Variants in CYP7B1 observed in about 807,000 individuals in gnomAD.
CYP7B1 encodes the protein cytochrome P450 family 7 subfamily B member 1, also known as cytochrome P450 7B1.
In CYP7B1, 29 loss-of-function variants were observed where a neutral mutation model predicts 42.7. That is an observed-to-expected ratio of 0.68 (90% CI 0.51 to 0.93). The LOEUF is 0.93. Ranked by LOEUF, CYP7B1 falls within the 40% of genes least tolerant of loss-of-function variation. The pLI, the probability that CYP7B1 is intolerant of heterozygous loss-of-function variation, is 0.00. For synonymous variants in CYP7B1, 235 were observed against 218.2 expected (o/e 1.08, Z -0.68); for missense variants, 655 against 600.5 (o/e 1.09, Z -0.95).
In CYP7B1 at chr8:64,615,092, G is replaced by T. The variant is rs1489734369; in HGVS notation, c.991C>A (p.Gln331Lys). The change falls in exon 4 of 6, where the codon CAA (glutamine) becomes AAA (lysine). Residue 331 changes from glutamine (Q) to lysine (K), a missense_variant. Transcript: ENST00000310193. ...EIDRLLQSTGQKKGSGFPIHL... is the reference protein window; with the variant it reads ...EIDRLLQSTGKKKGSGFPIHL... ...ATGGGAAATCCAGACCCTTTCTTTTGACCTGTTGACTGCAGCAAACGGTCA... is the reference window on the plus strand; with the variant it reads ...ATGGGAAATCCAGACCCTTTCTTTTTACCTGTTGACTGCAGCAAACGGTCA... The T allele has an allele frequency of 4.3e-6, 7 of 1,613,610 alleles. No individual in the cohort carries two copies. The South Asian group carries it at 7.7e-5, about 18-fold the overall frequency.
rs946792097 is a variant in CYP7B1 at position 64,596,557 on chromosome 8, C to T, written c.*85G>A. On this transcript the variant is annotated 3_prime_UTR_variant, in exon 6 of 6. Transcript: ENST00000310193. ...GCTTTTTAAACAAATAAATCAATTA[C>T]ATTTGCAGAAATTAAAAAGAAATAG... The T allele has an allele frequency of 6.0e-6, 8 of 1,324,998 alleles. 1 individual carries two copies. The highest frequency in any genetic ancestry group is 2.6e-4 in the Middle Eastern group (1 of 3,818). 82.1% of individuals were successfully genotyped at this position (1,324,998 alleles called of 1,614,324 possible). A position where few individuals can be genotyped will look rare whatever the true frequency, so the allele number is the denominator to read the frequency against.
At chr8:64,654,149 T>C (rs1488452953) in intron 1 of CYP7B1, among the ~76,000 whole-genome samples, 1 of 152,100 alleles carries the variant, frequency 6.6e-6, no homozygotes, top group African/African-American at 2.4e-5. Context: ...CTATTCAACA[T>C]AGTATTGGAA....
intron 1 of CYP7B1, among the ~76,000 whole-genome samples, chr8:64,736,840 T>C (rs1807495944): frequency 6.6e-6 from 1 of 152,148 alleles, no homozygotes; most frequent in African/African-American, 2.4e-5. Flanking sequence ...ATATCTCAAA[T>C]CTAATCTAAT....
chr8:64,586,885 T>C (rs1804975305), downstream of CYP7B1, among the ~76,000 whole-genome samples: 1 of 152,164 alleles, frequency 6.6e-6, no homozygotes, highest in Non-Finnish European at 1.5e-5. Context: ...GAGCTGCAGG[T>C]TTATTTAAAT....
chr8:64,772,758 G>T (rs932606135), intron 1 of CYP7B1, among the ~76,000 whole-genome samples: 1 of 152,086 alleles, frequency 6.6e-6, no homozygotes, highest in Non-Finnish European at 1.5e-5. Flanking sequence ...CATTTCATTA[G>T]GAATAAAAAT....
At position 64,616,090 on chromosome 8, in the gene CYP7B1, C is replaced by T. The variant is rs764653734; in HGVS notation, c.451G>A (p.Asp151Asn). 1.9e-6 allele frequency: 3 copies of T among 1,613,656 alleles called. No individual in the cohort carries two copies. The highest frequency in any genetic ancestry group is 2.5e-6 in the Non-Finnish European group (3 of 1,179,804). Residue 151 changes from aspartate (D) to asparagine (N), a missense_variant, in exon 3 of 6, where the codon GAC becomes AAC. Coordinates refer to ENST00000310193, the MANE Select transcript of CYP7B1 (RefSeq NM_004820.5). Reference protein sequence around the residue: ...CYQFLQGKSLDILLESMMQNL... With the variant: ...CYQFLQGKSLNILLESMMQNL... ...TGCATCATGCTTTCCAAGAGTATGT[C>T]CAAAGATTTGCCTTGCAAAAATTGA...
chr8:64,615,267 C>T (rs367587964), intron 3 of CYP7B1, 35 bp from the exon 4 acceptor site: 9 of 1,572,036 alleles, frequency 5.7e-6, no homozygotes, highest in South Asian at 3.4e-5. Flanking sequence ...AGATTAATAG[C>T]GTTTATTACA....
At chr8:64,790,685 C>A (rs1407674859) in intron 1 of CYP7B1, among the ~76,000 whole-genome samples, 1 of 152,126 alleles carries the variant, frequency 6.6e-6, no homozygotes, top group African/African-American at 2.4e-5. Context: ...CTCCAATGTG[C>A]CCAAGAGTGT....
At chr8:64,658,175 G>A (rs35060524) in intron 1 of CYP7B1, among the ~76,000 whole-genome samples, 75,692 of 151,898 alleles carry the variant, frequency 0.5, 20,213 homozygotes, top group Non-Finnish European at 0.58. Context: ...CGAATTTCAA[G>A]ATACGAATTT....
At chr8:64,716,548 A>T (rs1437197380) in intron 1 of CYP7B1, among the ~76,000 whole-genome samples, 2 of 151,994 alleles carry the variant, frequency 1.3e-5, no homozygotes, top group East Asian at 3.9e-4. Flanking sequence ...CTCTACTAAA[A>T]ATACAAAAAT....
intron 1 of CYP7B1, among the ~76,000 whole-genome samples, chr8:64,722,551 G>A (rs1412313607): frequency 6.6e-6 from 1 of 151,974 alleles, no homozygotes; most frequent in Non-Finnish European, 1.5e-5. Flanking sequence ...AAATTAGTGT[G>A]TGTCAAAAAA....
At chr8:64,787,614 T>C (rs558276807) in intron 1 of CYP7B1, among the ~76,000 whole-genome samples, 17 of 152,312 alleles carry the variant, frequency 1.1e-4, no homozygotes, top group Non-Finnish European at 2.1e-4. Flanking sequence ...TTCCAAACTT[T>C]CCCACATTTT....
chr8:64,729,053 G>A (rs543809735), intron 1 of CYP7B1: 1 of 152,182 alleles, frequency 6.6e-6, no homozygotes, highest in South Asian at 2.1e-4. Context: ...CCAGCTATCA[G>A]GGAGGCTGAG....
chr8:64,642,608 T>C (rs531468371), intron 1 of CYP7B1, among the ~76,000 whole-genome samples: 1 of 152,302 alleles, frequency 6.6e-6, no homozygotes, highest in African/African-American at 2.4e-5. Context: ...TAAGGTTTGG[T>C]GATGATGCAT....
At chr8:64,636,209 T>C (rs1805768183) in intron 1 of CYP7B1, among the ~76,000 whole-genome samples, 1 of 152,174 alleles carries the variant, frequency 6.6e-6, no homozygotes, top group Non-Finnish European at 1.5e-5. Flanking sequence ...AATAGCCTCC[T>C]GGCTAATGTC....
chr8:64,764,204 C>T (rs921388988), intron 1 of CYP7B1, among the ~76,000 whole-genome samples: 2 of 151,502 alleles, frequency 1.3e-5, no homozygotes, highest in East Asian at 2.0e-4. Context: ...CTCTCCTCCC[C>T]GAATTTCTAC....
intron 4 of CYP7B1, among the ~76,000 whole-genome samples, chr8:64,606,942 C>T (rs1805292094): frequency 6.6e-6 from 1 of 152,160 alleles, no homozygotes; most frequent in Admixed American, 6.5e-5. Context: ...AGAATGACAA[C>T]TGCACAATAA....
chr8:64,665,324 T>C (rs377295187), intron 1 of CYP7B1, among the ~76,000 whole-genome samples: 2 of 152,082 alleles, frequency 1.3e-5, no homozygotes, highest in Non-Finnish European at 2.9e-5. Flanking sequence ...AGATTAGTGG[T>C]GATATTTTAA....
At chr8:64,787,450 C>A (rs1426918828) in intron 1 of CYP7B1, among the ~76,000 whole-genome samples, 1 of 152,212 alleles carries the variant, frequency 6.6e-6, no homozygotes, top group South Asian at 2.1e-4. Flanking sequence ...CAGTTCCCAA[C>A]AAGTTCCTCA....
Sources: allele counts gnomAD v4.1 joint callset (sites outside exome capture counted in the v4.1 genomes callset), GRCh38; gene constraint gnomAD v4.1.1; transcripts MANE v1.5; gene names NCBI Gene and HGNC (gene_info 2026-07-23, HGNC 2026-07-21).